The following ATRNL1 variants were observed in gnomAD, a reference collection of about 807,000 sequenced individuals.
ATRNL1 encodes the protein attractin like 1.
In ATRNL1, 95 loss-of-function variants were observed where a neutral mutation model predicts 182.7. The ratio of observed to expected loss-of-function variants is 0.52; its 90% CI spans 0.44 to 0.62. ATRNL1 has a LOEUF of 0.62. ATRNL1 is among the 20% of genes least tolerant of loss of function. The probability of loss-of-function intolerance (pLI) is 0.00; values close to 1 mark genes in which losing one functional copy is unlikely to be tolerated. For missense variants in ATRNL1, 1,471 were observed against 1,679.5 expected, an observed-to-expected ratio of 0.88 and a Z score of 2.17; for synonymous variants, 576 against 568.3, an observed-to-expected ratio of 1.01 and a Z score of -0.19.
intron 7 of ATRNL1, among the ~76,000 whole-genome samples, chr10:115,167,102 C>T (rs1554884530): frequency 6.6e-6 from 1 of 151,630 alleles, no homozygotes; most frequent in Non-Finnish European, 1.5e-5. Flanking sequence ...ATTTTCATTC[C>T]TTTGCACGTG....
intron 24 of ATRNL1, among the ~76,000 whole-genome samples, chr10:115,498,831 T>C (rs1849677603): frequency 6.6e-6 from 1 of 152,040 alleles, no homozygotes; most frequent in South Asian, 2.1e-4. Context: ...TAGAACATGC[T>C]TTACTCTTAG....
chr10:115,584,781 C>G lies in ATRNL1; in HGVS notation c.3795+35245C>G, dbSNP rs185070274. 2.6e-3 allele frequency among the ~76,000 whole-genome samples: 391 copies of G among 152,042 alleles called. 1 individual carries two copies. Among genetic ancestry groups the G allele is most frequent in the African/African-American group, 9.1e-3 (377 of 41,464 alleles). ...TGCTCTGACTTTAGTTATTTCTTGC[C>G]TTCTGCTAGGTTTTGAATGTGTTTG... On this transcript the variant is annotated intron_variant, in intron 26 of 28. Coordinates refer to ENST00000355044, the MANE Select transcript of ATRNL1 (RefSeq NM_207303.4).
At chr10:115,253,031 C>T (rs1377844888) in intron 10 of ATRNL1, among the ~76,000 whole-genome samples, 1 of 152,184 alleles carries the variant, frequency 6.6e-6, no homozygotes, top group Non-Finnish European at 1.5e-5. Flanking sequence ...AGCTCTCAAA[C>T]TCCAACTTAT....
intron 27 of ATRNL1, among the ~76,000 whole-genome samples, chr10:115,780,590 C>T (rs2907584): frequency 0.71 from 107,911 of 151,956 alleles, 38,855 homozygotes; most frequent in Admixed American, 0.79. Flanking sequence ...GTAAAGAGGA[C>T]TTTGTCTTGC....
At chr10:115,153,141 G>A (rs1846324853) in intron 5 of ATRNL1, among the ~76,000 whole-genome samples, 1 of 152,122 alleles carries the variant, frequency 6.6e-6, no homozygotes, top group Non-Finnish European at 1.5e-5. Flanking sequence ...GAGGATTTTT[G>A]CATTGATATT....
intron 26 of ATRNL1, among the ~76,000 whole-genome samples, chr10:115,580,452 A>G (rs1022682256): frequency 2.0e-5 from 3 of 152,066 alleles, no homozygotes; most frequent in Non-Finnish European, 4.4e-5. Context: ...CTACTGAAAA[A>G]TCAACTGATA....
intron 27 of ATRNL1, among the ~76,000 whole-genome samples, chr10:115,802,785 T>C (rs1465928916): frequency 6.6e-6 from 1 of 152,204 alleles, no homozygotes; most frequent in African/African-American, 2.4e-5. Flanking sequence ...GTCAGAAGCC[T>C]ATAAGGCTAA....
chr10:115,668,571 G>A (rs1555040419), intron 26 of ATRNL1, among the ~76,000 whole-genome samples: 2 of 151,956 alleles, frequency 1.3e-5, no homozygotes, highest in Non-Finnish European at 2.9e-5. Flanking sequence ...TTCTGATTTT[G>A]GTAACATCTG....
intron 26 of ATRNL1, among the ~76,000 whole-genome samples, chr10:115,632,601 T>A (rs549318341): frequency 6.6e-6 from 1 of 152,288 alleles, no homozygotes; most frequent in Admixed American, 6.5e-5. Context: ...AGCAACCTAA[T>A]TTTACATGTT....
intron 25 of ATRNL1, among the ~76,000 whole-genome samples, chr10:115,522,848 G>T (rs1554985607): frequency 6.6e-6 from 1 of 152,196 alleles, no homozygotes; most frequent in East Asian, 1.9e-4. Context: ...ATAACATGCT[G>T]CATGAAAATC....
chr10:115,293,430 G>A (rs1223487471), intron 15 of ATRNL1, among the ~76,000 whole-genome samples: 3 of 151,770 alleles, frequency 2.0e-5, no homozygotes, highest in Admixed American at 6.6e-5. Flanking sequence ...TTCTTCCTTT[G>A]TATATCCTTT....
chr10:115,356,772 T>C (rs1856522649), intron 19 of ATRNL1, among the ~76,000 whole-genome samples: 1 of 151,948 alleles, frequency 6.6e-6, no homozygotes, highest in Non-Finnish European at 1.5e-5. Flanking sequence ...ACTTCAACTT[T>C]TGCTATTTGA....
chr10:115,741,879 G>T (rs1212478400), intron 27 of ATRNL1, among the ~76,000 whole-genome samples: 1 of 152,126 alleles, frequency 6.6e-6, no homozygotes, highest in Admixed American at 6.6e-5. Context: ...AAGAAACAAA[G>T]ATTCAAATGA....
intron 24 of ATRNL1, among the ~76,000 whole-genome samples, chr10:115,473,606 G>A (rs536714112): frequency 1.1e-4 from 17 of 151,360 alleles, no homozygotes; most frequent in Admixed American, 4.0e-4. Context: ...GTTCGGAAGT[G>A]TTCACTCTAC....
At chr10:115,535,625 G>A (rs190561453) in intron 25 of ATRNL1, among the ~76,000 whole-genome samples, 27 of 152,206 alleles carry the variant, frequency 1.8e-4, no homozygotes, top group East Asian at 1.2e-3. Flanking sequence ...GTCATTCTCC[G>A]TCCAGCTTTG....
chr10:115,897,459 T>C (rs1420980104), intron 28 of ATRNL1, among the ~76,000 whole-genome samples: 2 of 152,228 alleles, frequency 1.3e-5, no homozygotes, highest in African/African-American at 2.4e-5. Flanking sequence ...CTAATGAAAA[T>C]TGAAATATTT....
chr10:115,669,249 G>C (rs539833522), intron 26 of ATRNL1, among the ~76,000 whole-genome samples: 1 of 151,796 alleles, frequency 6.6e-6, no homozygotes, highest in African/African-American at 2.4e-5. Context: ...TTACTTTTTT[G>C]CTCATTTTTC....
chr10:115,661,218 C>T (rs1555037600), intron 26 of ATRNL1, among the ~76,000 whole-genome samples: 1 of 151,976 alleles, frequency 6.6e-6, no homozygotes, highest in African/African-American at 2.4e-5. Context: ...AGATCCTCAG[C>T]CAACATTTGC....
At chr10:115,258,597 CT>C (rs1353301466) in intron 10 of ATRNL1, among the ~76,000 whole-genome samples, 1 of 152,076 alleles carries the variant, frequency 6.6e-6, no homozygotes, top group Non-Finnish European at 1.5e-5. Flanking sequence ...TATTACCTAC[CT>C]TCTGAAGCCT....
Sources: allele counts gnomAD v4.1 joint callset (sites outside exome capture counted in the v4.1 genomes callset), GRCh38; gene constraint gnomAD v4.1.1; transcripts MANE v1.5; gene names NCBI Gene and HGNC (gene_info 2026-07-23, HGNC 2026-07-21).